The following PCDH15 variants were observed in gnomAD, a reference collection of about 807,000 sequenced individuals.
The protein encoded by PCDH15 is protocadherin related 15.
Under a neutral mutation model 178.5 loss-of-function variants are expected in PCDH15, and 129 were observed. That is an observed-to-expected ratio of 0.72 (90% CI 0.63 to 0.84). The LOEUF (loss-of-function observed/expected upper bound fraction) is 0.84, where lower values mean the gene tolerates loss of function less well. PCDH15 is among the 40% of genes least tolerant of loss of function. The probability of loss-of-function intolerance (pLI) is 0.00; values close to 1 mark genes in which losing one functional copy is unlikely to be tolerated. For synonymous variants in PCDH15, 800 were observed against 732.0 expected (o/e 1.09, Z -1.50); for missense variants, 2,230 against 2,099.9 (o/e 1.06, Z -1.21).
intron 2 of PCDH15, among the ~76,000 whole-genome samples, chr10:55,155,066 T>G (rs1838846906): frequency 6.7e-6 from 1 of 149,412 alleles, no homozygotes; most frequent in Non-Finnish European, 1.5e-5. Context: ...AGATGGAATG[T>G]CAACCTATAG....
intron 2 of PCDH15, among the ~76,000 whole-genome samples, chr10:54,930,181 A>G (rs780765203): frequency 1.3e-5 from 2 of 152,142 alleles, no homozygotes; most frequent in Non-Finnish European, 2.9e-5. Flanking sequence ...GGAGCCAACC[A>G]AGTAAAAAAT....
At chr10:54,583,021 T>C (rs979877933) in intron 2 of PCDH15, among the ~76,000 whole-genome samples, 18 of 79,580 alleles carry the variant, frequency 2.3e-4, no homozygotes, top group Non-Finnish European at 4.0e-4. Context: ...CTTGCATATA[T>C]ACAATCTGAG....
chr10:55,554,719 G>C (rs1842058706), intron 2 of PCDH15, among the ~76,000 whole-genome samples: 1 of 152,016 alleles, frequency 6.6e-6, no homozygotes. Context: ...ACCAAACCCT[G>C]TGTAAAATGA....
chr10:55,435,468 A>T (rs1187064165), intron 2 of PCDH15, among the ~76,000 whole-genome samples: 1 of 152,210 alleles, frequency 6.6e-6, no homozygotes, highest in African/African-American at 2.4e-5. Context: ...CCATCAGCTA[A>T]CAACTCTGCT....
At chr10:54,994,678 C>T (rs972021252) in intron 2 of PCDH15, among the ~76,000 whole-genome samples, 1 of 152,012 alleles carries the variant, frequency 6.6e-6, no homozygotes, top group African/African-American at 2.4e-5. Flanking sequence ...ATTTATAAAA[C>T]ATATGTGTAT....
chr10:54,154,841 G>A (rs1164359644), intron 13 of PCDH15, among the ~76,000 whole-genome samples: 3 of 152,096 alleles, frequency 2.0e-5, no homozygotes, highest in South Asian at 2.1e-4. Flanking sequence ...ATGATTCTGC[G>A]ACTTGTATAA....
intron 5 of PCDH15, among the ~76,000 whole-genome samples, chr10:54,355,454 T>A (rs990630521): frequency 6.6e-6 from 1 of 152,020 alleles, no homozygotes; most frequent in Admixed American, 6.6e-5. Flanking sequence ...TGGCACAGTG[T>A]CTTGTTTAAA....
At chr10:53,888,287 T>TATATATATATATATATATAC (rs71461209) in intron 26 of PCDH15, among the ~76,000 whole-genome samples, 1 of 55,160 alleles carries the variant, frequency 1.8e-5, no homozygotes. Context: ...CAACACTATA[T>TATATATATATATATATATAC]ATACATATAT....
At chr10:55,243,216 T>C (rs1158488380) in intron 1 of PCDH15, among the ~76,000 whole-genome samples, 4 of 152,200 alleles carry the variant, frequency 2.6e-5, no homozygotes, top group Non-Finnish European at 5.9e-5. Flanking sequence ...TCATATTCCA[T>C]TGAACTCTGC....
intron 8 of PCDH15, among the ~76,000 whole-genome samples, chr10:54,239,631 T>C (rs1225558806): frequency 6.6e-6 from 1 of 151,990 alleles, no homozygotes; most frequent in Non-Finnish European, 1.5e-5. Context: ...TGTTTTAACA[T>C]TATTAATAAA....
intron 18 of PCDH15, among the ~76,000 whole-genome samples, chr10:54,062,252 AC>A (rs1238790172): frequency 0.029 from 2,083 of 71,036 alleles, 174 homozygotes; most frequent in African/African-American, 0.073. Context: ...AAAAAAAAAA[AC>A]AAAAAACAAC....
chr10:55,079,480 A>C (rs139714411), intron 2 of PCDH15, among the ~76,000 whole-genome samples: 2 of 152,274 alleles, frequency 1.3e-5, no homozygotes, highest in East Asian at 3.9e-4. Flanking sequence ...CTTTAGCCCC[A>C]GTCATGACAA....
chr10:55,173,958 C>G (rs1451396699), intron 1 of PCDH15, among the ~76,000 whole-genome samples: 1 of 152,000 alleles, frequency 6.6e-6, no homozygotes, highest in Non-Finnish European at 1.5e-5. Context: ...TACTGCATTT[C>G]AAAGCTTTAT....
chr10:55,260,141 G>T (rs1268143789), intron 1 of PCDH15, among the ~76,000 whole-genome samples: 3 of 151,402 alleles, frequency 2.0e-5, no homozygotes, highest in African/African-American at 4.9e-5. Flanking sequence ...AGTGGTATCT[G>T]CCCTTCTCGG....
chr10:54,390,653 G>T (rs1950446876), intron 3 of PCDH15, among the ~76,000 whole-genome samples: 1 of 152,050 alleles, frequency 6.6e-6, no homozygotes, highest in African/African-American at 2.4e-5. Flanking sequence ...TTATATTCCT[G>T]TCTTGACTAA....
intron 9 of PCDH15, among the ~76,000 whole-genome samples, chr10:54,224,695 T>A (rs2053239756): frequency 6.6e-6 from 1 of 152,142 alleles, no homozygotes; most frequent in African/African-American, 2.4e-5. Context: ...TATCAAGTTA[T>A]CCCTAGGTTC....
intron 1 of PCDH15, among the ~76,000 whole-genome samples, chr10:55,223,273 C>T (rs1840936013): frequency 6.6e-6 from 1 of 152,032 alleles, no homozygotes; most frequent in Admixed American, 6.5e-5. Flanking sequence ...GTTAAAAGCC[C>T]CTTGGTCATA....
At chr10:54,346,663 T>A (rs566432539) in intron 5 of PCDH15, among the ~76,000 whole-genome samples, 179 bp from the exon 6 acceptor site, 120 of 152,328 alleles carry the variant, frequency 7.9e-4, no homozygotes, top group African/African-American at 2.8e-3. Context: ...GTTCTTAAAA[T>A]GTCTGAAATG....
chr10:54,995,193 G>A (rs1417181288), intron 2 of PCDH15, among the ~76,000 whole-genome samples: 1 of 152,058 alleles, frequency 6.6e-6, no homozygotes, highest in Non-Finnish European at 1.5e-5. Context: ...TGGCTAACAC[G>A]GTGAAACCCT....
Sources: allele counts gnomAD v4.1 joint callset (sites outside exome capture counted in the v4.1 genomes callset), GRCh38; gene constraint gnomAD v4.1.1; transcripts MANE v1.5; gene names NCBI Gene and HGNC (gene_info 2026-07-23, HGNC 2026-07-21).